Variants in URI1 observed in about 807,000 individuals in gnomAD.
URI1 encodes the protein unconventional prefoldin RPB5 interactor 1.
Under a neutral mutation model 60.2 loss-of-function variants are expected in URI1, and 39 were observed. That is an observed-to-expected ratio of 0.65 (90% CI 0.50 to 0.85). The LOEUF (loss-of-function observed/expected upper bound fraction) is 0.85, where lower values mean the gene tolerates loss of function less well. URI1 is among the 40% of genes least tolerant of loss of function. The pLI is 0.00. For missense variants in URI1, 691 were observed against 665.9 expected (o/e 1.04, Z -0.42); for synonymous variants, 251 against 236.8 (o/e 1.06, Z -0.55).
intron 1 of URI1, among the ~76,000 whole-genome samples, chr19:29,964,458 TGTTTTG>T (rs1568420149): frequency 4.8e-5 from 7 of 147,306 alleles, no homozygotes; most frequent in African/African-American, 1.6e-4. Flanking sequence ...TTTTGTTTTT[TGTTTTG>T]TTTTTTTTTT....
chr19:29,942,999 A>G (rs1463786159), intron 1 of URI1, among the ~76,000 whole-genome samples: 2 of 152,164 alleles, frequency 1.3e-5, no homozygotes, highest in African/African-American at 4.8e-5. Flanking sequence ...ACATTGCTTA[A>G]AATGTGTACT....
chr19:29,927,024 C>T (rs568192632), intron 1 of URI1, among the ~76,000 whole-genome samples: 3 of 152,190 alleles, frequency 2.0e-5, no homozygotes, highest in African/African-American at 7.2e-5. Flanking sequence ...TCTCTGGGCT[C>T]GAGACTCCAG....
chr19:30,013,320 T>G (rs751082451), intron 10 of URI1, among the ~76,000 whole-genome samples: 1 of 152,178 alleles, frequency 6.6e-6, no homozygotes, highest in African/African-American at 2.4e-5. Context: ...ATTCCATTGC[T>G]TTTACTAAAT....
chr19:30,014,562 A>G (rs765689193), intron 10 of URI1, among the ~76,000 whole-genome samples: 4 of 152,196 alleles, frequency 2.6e-5, no homozygotes, highest in Non-Finnish European at 4.4e-5. Context: ...ATTATTTTTC[A>G]CAGCATGGGC....
chr19:29,935,700 C>CTTTTTTTTTTTTTTTTTTTTTTTTTTTTT (rs34820413), intron 1 of URI1, among the ~76,000 whole-genome samples: 11 of 131,830 alleles, frequency 8.3e-5, no homozygotes, highest in African/African-American at 2.9e-4. Flanking sequence ...GGTTGACAGT[C>CTTTTTTTTTTTTTTTTTTTTTTTTTTTTT]TTTTTTTTTT....
intron 4 of URI1, among the ~76,000 whole-genome samples, chr19:29,990,841 A>G (rs1703890801): frequency 6.6e-6 from 1 of 152,176 alleles, no homozygotes; most frequent in South Asian, 2.1e-4. Flanking sequence ...CAAATTGTAC[A>G]TTTTAAATGG....
At chr19:29,979,684 A>G (rs531771747) in intron 2 of URI1, among the ~76,000 whole-genome samples, 1 of 152,282 alleles carries the variant, frequency 6.6e-6, no homozygotes, top group East Asian at 1.9e-4. Flanking sequence ...CTTGGTATCT[A>G]TGTCTAATAG....
chr19:29,998,605 C>A (rs981202322), intron 4 of URI1, among the ~76,000 whole-genome samples: 3 of 152,074 alleles, frequency 2.0e-5, no homozygotes, highest in Non-Finnish European at 4.4e-5. Context: ...TCTATTTTGT[C>A]TGATACTACT....
At chr19:29,989,853 A>G (rs2055723989) in intron 4 of URI1, among the ~76,000 whole-genome samples, 1 of 151,268 alleles carries the variant, frequency 6.6e-6, no homozygotes, top group Non-Finnish European at 1.5e-5. Flanking sequence ...TTGTCTTTTC[A>G]TTCTCTTAAC....
At chr19:29,983,653 T>G (rs1205784481) in intron 2 of URI1, among the ~76,000 whole-genome samples, 1 of 152,242 alleles carries the variant, frequency 6.6e-6, no homozygotes, top group Non-Finnish European at 1.5e-5. Context: ...TGCTGTAGTT[T>G]TGCTTGCAGC....
chr19:29,979,721 T>A (rs1599696051), intron 2 of URI1, among the ~76,000 whole-genome samples: 2 of 151,946 alleles, frequency 1.3e-5, no homozygotes, highest in African/African-American at 4.9e-5. Flanking sequence ...ACTCATAAAA[T>A]ATAAAGAACA....
chr19:29,990,892 A>G (rs991076791), intron 4 of URI1, among the ~76,000 whole-genome samples: 1 of 152,198 alleles, frequency 6.6e-6, no homozygotes, highest in Non-Finnish European at 1.5e-5. Flanking sequence ...AAATTGTTAA[A>G]AAACAAATGA....
chr19:29,976,368 T>G (rs2055522935), intron 2 of URI1, among the ~76,000 whole-genome samples: 1 of 152,190 alleles, frequency 6.6e-6, no homozygotes, highest in Non-Finnish European at 1.5e-5. Flanking sequence ...CTGGGTCAGC[T>G]TTGTTGTCCA....
chr19:29,953,170 G>A (rs928888079), intron 1 of URI1, among the ~76,000 whole-genome samples: 5 of 152,046 alleles, frequency 3.3e-5, no homozygotes, highest in Admixed American at 1.3e-4. Flanking sequence ...GTCTTTCTGC[G>A]CTAACCAATG....
intron 2 of URI1, among the ~76,000 whole-genome samples, chr19:29,977,844 AT>A (rs980792032): frequency 3.3e-5 from 5 of 151,950 alleles, no homozygotes; most frequent in African/African-American, 9.7e-5. Context: ...TGTTTAAAGA[AT>A]TTTTTTTAAA....
chr19:29,998,377 T>A (rs2055838630), intron 4 of URI1, among the ~76,000 whole-genome samples: 1 of 152,172 alleles, frequency 6.6e-6, no homozygotes, highest in Non-Finnish European at 1.5e-5. Context: ...TGTTCTTTAT[T>A]TCCTTCTGGC....
chr19:29,932,467 C>CAT, intron 1 of URI1, among the ~76,000 whole-genome samples: 1 of 151,420 alleles, frequency 6.6e-6, no homozygotes, highest in South Asian at 2.1e-4. Flanking sequence ...CAGGTGTCTG[C>CAT]CACCGCACCC....
intron 1 of URI1, among the ~76,000 whole-genome samples, chr19:29,951,334 A>G (rs544622608): frequency 6.6e-6 from 1 of 152,278 alleles, no homozygotes; most frequent in East Asian, 1.9e-4. Context: ...AATCAGTTAT[A>G]TTGGTGTTTG....
intron 1 of URI1, among the ~76,000 whole-genome samples, chr19:29,962,709 AT>A (rs2055342034): frequency 6.6e-6 from 1 of 151,196 alleles, no homozygotes; most frequent in South Asian, 2.1e-4. Flanking sequence ...GATCACACTT[AT>A]TTAATAACAA....
Sources: allele counts gnomAD v4.1 joint callset (sites outside exome capture counted in the v4.1 genomes callset), GRCh38; gene constraint gnomAD v4.1.1; transcripts MANE v1.5; gene names NCBI Gene and HGNC (gene_info 2026-07-23, HGNC 2026-07-21).